SHANK1: variants seen among roughly 807,000 people sequenced by gnomAD.
SHANK1 encodes the protein SH3 and multiple ankyrin repeat domains protein 1.
A neutral mutation model predicts 165.6 loss-of-function variants in SHANK1; 35 were observed. The ratio of observed to expected loss-of-function variants is 0.21; its 90% CI spans 0.16 to 0.28. The LOEUF is 0.28. Ranked by LOEUF, SHANK1 falls within the 10% of genes least tolerant of loss-of-function variation. The pLI is 1.00. For missense variants in SHANK1, 2,681 were observed against 3,036.4 expected (o/e 0.88, Z 2.75); for synonymous variants, 1,428 against 1,384.8 (o/e 1.03, Z -0.69).
chr19:50,697,533 C>T lies in SHANK1; in HGVS notation c.1937+56G>A, dbSNP rs1365574369. 8.0e-7 allele frequency: 1 copy of T among 1,257,790 alleles called. No individual in the cohort carries two copies. Among genetic ancestry groups the T allele is most frequent in the Non-Finnish European group, 1.2e-6 (1 of 855,102 alleles). The allele number at this position is 1,257,790 out of a possible 1,614,324, so 77.9% of individuals were successfully genotyped here. Reference sequence around the variant, plus strand: ...GGTGATGGAAATATTTAAAGGTGTACATTGTGAAGGGAACTTGGGGTGAGG... The same window carrying T: ...GGTGATGGAAATATTTAAAGGTGTATATTGTGAAGGGAACTTGGGGTGAGG... On this transcript the variant is annotated intron_variant, in intron 14 of 23. Transcript: ENST00000293441. The surrounding 1 kb of genome is among the most constrained non-coding windows in gnomAD (Gnocchi z 4.7).
At chr19:50,707,876 T>TTTTTTTCTTTTCTTTTC (rs2088958078) in intron 8 of SHANK1, among the ~76,000 whole-genome samples, 5 of 95,014 alleles carry the variant, frequency 5.3e-5, no homozygotes, top group Non-Finnish European at 1.1e-4. Flanking sequence ...CTTTTGCGTG[T>TTTTTTTCTTTTCTTTTC]TTTTCTTTTC....
chr19:50,673,655 G>A (rs1985879876), intron 21 of SHANK1, among the ~76,000 whole-genome samples: 1 of 152,100 alleles, frequency 6.6e-6, no homozygotes, highest in South Asian at 2.1e-4. Context: ...CGGGGCTGAT[G>A]TATCCCAGGC....
rs371457886 is a variant in SHANK1, at chr19:50,668,555, C to A, written c.3405G>T (p.Pro1135=). 6.6e-4 allele frequency: 907 copies of A among 1,365,462 alleles called. 2 individuals are homozygous for A. Among genetic ancestry groups the A allele is most frequent in the African/African-American group, 4.3e-3 (286 of 65,868 alleles). The allele number at this position is 1,365,462 out of a possible 1,614,324, so 84.6% of individuals were successfully genotyped here. A position where few individuals can be genotyped will look rare whatever the true frequency, so the allele number is the denominator to read the frequency against. The change falls in exon 23 of 24, where the codon CCG becomes CCT. Residue 1135 remains proline (P), a synonymous_variant. Transcript: ENST00000293441. ...GLPPAPSPTS[P]ASPQPPPAVA... ...CGGCGGGCGGCGGCTGCGGGGAGGC[C>A]GGGGACGTGGGCGACGGCGCGGGCG...
At chr19:50,695,805 C>T (rs1986720457) in intron 15 of SHANK1, among the ~76,000 whole-genome samples, 2 of 152,236 alleles carry the variant, frequency 1.3e-5, no homozygotes, top group South Asian at 4.2e-4. Flanking sequence ...CCCTCCCCCA[C>T]CAGAGAAGCC....
In SHANK1 at chr19:50,716,655, A is replaced by G. The variant is rs2089073133; in HGVS notation, c.255+10T>C. ...CCTCTCCTGCCGCTGGCCAGTGGGC[A>G]GGTACTCACTGTCTGGTGCAGGTCC... On this transcript the variant is annotated intron_variant, in intron 2 of 23. Coordinates refer to ENST00000293441, the MANE Select transcript of SHANK1 (RefSeq NM_016148.5). The surrounding 1 kb of genome is among the most constrained non-coding windows in gnomAD (Gnocchi z 8.4). The G allele has an allele frequency of 6.4e-7, 1 of 1,561,076 alleles. No homozygotes were observed. The highest frequency in any genetic ancestry group is 8.7e-7 in the Non-Finnish European group (1 of 1,152,666).
chr19:50,701,365 G>A (rs1049562751), intron 12 of SHANK1, among the ~76,000 whole-genome samples: 2 of 107,128 alleles, frequency 1.9e-5, no homozygotes, highest in South Asian at 6.1e-4. Context: ...TTTTTTTTTT[G>A]TATTTTTAGT....
Position 50,702,388 on chromosome 19 carries a change from G to T in SHANK1, c.1747+79C>A. On this transcript the variant is annotated intron_variant, in intron 12 of 23. Coordinates refer to ENST00000293441, the MANE Select transcript of SHANK1 (RefSeq NM_016148.5). The surrounding 1 kb of genome is among the most constrained non-coding windows in gnomAD (Gnocchi z 5.3). ...TGAGATACTCCAGGTGCCCGAGAAT[G>T]GTCTGCTCTCTGCTCCACATTTTCC... 7.7e-7 allele frequency: 1 copy of T among 1,301,732 alleles called. No homozygotes were observed. Among genetic ancestry groups the T allele is most frequent in the Non-Finnish European group, 1.1e-6 (1 of 950,424 alleles). The allele number at this position is 1,301,732 out of a possible 1,614,324, so 80.6% of individuals were successfully genotyped here. A position where few individuals can be genotyped will look rare whatever the true frequency, so the allele number is the denominator to read the frequency against.
chr19:50,704,218 G>C, intron 9 of SHANK1, 32 bp from the exon 10 acceptor site: 1 of 1,603,954 alleles, frequency 6.2e-7, no homozygotes, highest in Non-Finnish European at 8.5e-7. Flanking sequence ...AGGTCGGCCA[G>C]GGGGGCCCAG....
At chr19:50,693,881 G>A (rs1024859378) in intron 15 of SHANK1, among the ~76,000 whole-genome samples, 3 of 152,156 alleles carry the variant, frequency 2.0e-5, no homozygotes, top group Non-Finnish European at 2.9e-5. Context: ...GGGGGCAGGG[G>A]AGAGGAGCAC....
chr19:50,699,634 G>C (rs1390217067), intron 12 of SHANK1, among the ~76,000 whole-genome samples: 2 of 152,156 alleles, frequency 1.3e-5, no homozygotes, highest in African/African-American at 4.8e-5. Flanking sequence ...TGGAGGGGTT[G>C]GTATATCGGA....
chr19:50,659,696 T>C lies in SHANK1; in HGVS notation c.*2269A>G, dbSNP rs1985112379. Among the ~76,000 whole-genome samples, 1 of 151,080 alleles carries C rather than the reference T, an allele frequency of 6.6e-6. No homozygotes were observed. On this transcript the variant is annotated 3_prime_UTR_variant, in exon 24 of 24. Transcript: ENST00000293441. ...TTCTTCTTTTGTTATTGTTCCTCTT[T>C]TTGCTTTTTCTCTCCTCTCCACCCC... is the stretch of plus-strand genomic sequence containing the variant.
rs2088898252 is a variant in SHANK1 at position 50,703,640 on chromosome 19, C to G, written c.1413G>C (p.Gln471His). Residue 471 changes from glutamine (Q) to histidine (H), a missense_variant, in exon 11 of 24, where the codon CAG becomes CAC. Gln to His is a conservative substitution (Grantham distance 24). This residue lies in a region of SHANK1 where 195 missense variants were observed against 186.2 expected (regional missense o/e 1.05). Transcript: ENST00000293441. ...TGGTGGTGGGGGCCGAGGGCTGCGA[C>G]TGGCCCTGGGACCCTGAGGTAGGGC... is the stretch of plus-strand genomic sequence containing the variant. ...APGPTSGSQG[Q>H]SQPSAPTTKL... 1 of 1,540,518 alleles carries G rather than the reference C, an allele frequency of 6.5e-7. No individual in the cohort carries two copies. The highest frequency in any genetic ancestry group is 2.0e-5 in the Admixed American group (1 of 50,482).
intron 12 of SHANK1, among the ~76,000 whole-genome samples, chr19:50,701,067 C>T (rs184815073): frequency 1.3e-5 from 2 of 152,250 alleles, no homozygotes; most frequent in South Asian, 2.1e-4. Flanking sequence ...GATGTTCTGA[C>T]CCCCGAATAC....
chr19:50,696,741 G>A (rs985332476), intron 15 of SHANK1, among the ~76,000 whole-genome samples: 1 of 152,072 alleles, frequency 6.6e-6, no homozygotes, highest in African/African-American at 2.4e-5. Flanking sequence ...CACAGAGAGG[G>A]ACGGATGTGT....
chr19:50,665,737 T>TAAAAAAAAATAAAAA (rs1985465384), intron 23 of SHANK1, among the ~76,000 whole-genome samples: 1 of 98,180 alleles, frequency 1.0e-5, no homozygotes, highest in Non-Finnish European at 1.9e-5. Context: ...ACCCTGTTTC[T>TAAAAAAAAATAAAAA]AAAAAAAAAA....
intron 6 of SHANK1, 118 bp from the exon 7 acceptor site, chr19:50,712,232 A>G (rs1172624051): frequency 9.5e-7 from 1 of 1,052,224 alleles, no homozygotes; most frequent in African/African-American, 1.6e-5. Flanking sequence ...GGCCAATGAC[A>G]GTCTCAGTTC....
chr19:50,694,277 T>A (rs1172805651), intron 15 of SHANK1, among the ~76,000 whole-genome samples: 1 of 148,698 alleles, frequency 6.7e-6, no homozygotes, highest in Non-Finnish European at 1.5e-5. Context: ...CGTCGCACAG[T>A]GACACGCAGC....
intron 12 of SHANK1, among the ~76,000 whole-genome samples, chr19:50,701,163 T>C (rs1023622455): frequency 1.3e-5 from 2 of 150,710 alleles, no homozygotes; most frequent in African/African-American, 4.9e-5. Flanking sequence ...TCTAAGTGCC[T>C]GAAGTAGGGG....
intron 10 of SHANK1, 80 bp downstream of exon 10, chr19:50,704,040 G>A (rs2088905350): frequency 7.0e-7 from 1 of 1,435,778 alleles, no homozygotes; most frequent in Non-Finnish European, 9.8e-7. Context: ...CCCCAAGTCA[G>A]GTCCCCCAAC....
Sources: gnomAD v4.1 joint callset for allele counts (sites outside exome capture counted in the v4.1 genomes callset) on GRCh38, gnomAD v4.1.1 for gene constraint, gnomAD v4.1.1 regional missense constraint, Gnocchi (gnomAD v3.1) non-coding constraint, MANE v1.5 for transcripts, NCBI Gene and HGNC (gene_info 2026-07-23, HGNC 2026-07-21) for gene names.